The following ACTR3 variants were observed in gnomAD, a reference collection of about 807,000 sequenced individuals.
ACTR3 encodes the protein actin related protein 3, also known as actin-related protein 3.
A neutral mutation model predicts 56.8 loss-of-function variants in ACTR3; 12 were observed. The ratio of observed to expected loss-of-function variants is 0.21; its 90% CI spans 0.14 to 0.34. The LOEUF is 0.34. ACTR3 is among the 10% of genes least tolerant of loss of function. The pLI, the probability that ACTR3 is intolerant of heterozygous loss-of-function variation, is 1.00. For missense variants in ACTR3, 282 were observed against 512.5 expected, an observed-to-expected ratio of 0.55 and a Z score of 4.34; for synonymous variants, 162 against 167.4, an observed-to-expected ratio of 0.97 and a Z score of 0.25.
chr2:113,934,091 A>G (rs866657936), intron 5 of ACTR3, 188 bp from the exon 6 acceptor site: 1 of 538,330 alleles, frequency 1.9e-6, no homozygotes. Flanking sequence ...TTGTCTTAAT[A>G]AAATGTAGGG....
At chr2:113,944,293 T>A (rs745659211) in intron 8 of ACTR3, among the ~76,000 whole-genome samples, 7 of 152,052 alleles carry the variant, frequency 4.6e-5, no homozygotes, top group Non-Finnish European at 1.0e-4. Flanking sequence ...AAGAATTCAG[T>A]TGCAAGAATA....
Position 113,892,108 on chromosome 2 carries a change from C to A in ACTR3, c.44+1785C>A, listed in dbSNP as rs553649736. Among the ~76,000 whole-genome samples the A allele has an allele frequency of 3.6e-4, 55 of 152,280 alleles. 1 individual carries two copies. The highest frequency in any genetic ancestry group is 1.3e-3 in the African/African-American group (53 of 41,548). ...CCTGAGAAATAATATGGTAACATCT[C>A]AAGTAGTATGTTACTTTTCTAATCT... On this transcript the variant is annotated intron_variant, in intron 1 of 11. Transcript: ENST00000263238.
At chr2:113,914,914 T>C (rs1368935124) in intron 2 of ACTR3, among the ~76,000 whole-genome samples, 1 of 152,234 alleles carries the variant, frequency 6.6e-6, no homozygotes, top group Admixed American at 6.5e-5. Context: ...ATTTTATTCA[T>C]GCATGTTTGT....
chr2:113,909,937 G>T (rs762863002), intron 1 of ACTR3, among the ~76,000 whole-genome samples: 2 of 152,170 alleles, frequency 1.3e-5, no homozygotes, highest in Non-Finnish European at 2.9e-5. Flanking sequence ...ATCATTTGAA[G>T]ATTTTTGAGT....
intron 1 of ACTR3, chr2:113,890,649 G>A (rs1574343060): frequency 1.2e-5 from 15 of 1,245,736 alleles, no homozygotes; most frequent in Non-Finnish European, 1.5e-5. Context: ...CGTCTTGGGG[G>A]TGGTCCCCGG....
rs375240866 is a variant in ACTR3, at chr2:113,934,343, C to T, written c.497C>T (p.Thr166Met). 11 of 1,606,842 alleles carry T rather than the reference C, an allele frequency of 6.8e-6. No individual in the cohort carries two copies. The highest frequency in any genetic ancestry group is 4.0e-5 in the African/African-American group (3 of 74,234). Residue 166 changes from threonine to methionine, a missense_variant, in exon 6 of 12, where the codon ACG becomes ATG. Transcript: ENST00000263238. ...RQVGERTLTGTVIDSGDGVTH... is the reference protein window; with the variant it reads ...RQVGERTLTGMVIDSGDGVTH... ...GTAGGAGAACGGACGTTGACCGGTA[C>T]GGTAATAGACAGTGGAGATGGTGTC...
chr2:113,953,612 A>C (rs1269615561), intron 10 of ACTR3: 1 of 152,024 alleles, frequency 6.6e-6, no homozygotes, highest in Non-Finnish European at 1.5e-5. Context: ...ATTTTCCTTC[A>C]GTCTGTAATT....
intron 1 of ACTR3, chr2:113,890,679 C>T: frequency 8.6e-7 from 1 of 1,162,682 alleles, no homozygotes; most frequent in Non-Finnish European, 1.1e-6. Context: ...ATCCGGCTTT[C>T]CTTTCCCTCC....
chr2:113,890,483 C>T (rs939162428), intron 1 of ACTR3, 160 bp downstream of exon 1: 3 of 1,298,556 alleles, frequency 2.3e-6, no homozygotes, highest in African/African-American at 3.1e-5. Context: ...CAGCCAGGGC[C>T]TCGCGGGTCC....
chr2:113,942,444 C>G, intron 8 of ACTR3, 85 bp downstream of exon 8: 1 of 880,768 alleles, frequency 1.1e-6, no homozygotes. Context: ...ATCTCAGAAA[C>G]TTTTATTAGT....
At chr2:113,919,077 T>C (rs1476626310) in intron 3 of ACTR3, among the ~76,000 whole-genome samples, 1 of 152,238 alleles carries the variant, frequency 6.6e-6, no homozygotes, top group African/African-American at 2.4e-5. Flanking sequence ...ATTTTGTCTA[T>C]ATAATCTTTC....
chr2:113,944,948 G>GAGGA (rs1679989916), intron 8 of ACTR3, among the ~76,000 whole-genome samples: 1 of 152,112 alleles, frequency 6.6e-6, no homozygotes, highest in Non-Finnish European at 1.5e-5. Flanking sequence ...ACAGTTGTGG[G>GAGGA]AAAGGAGGAA....
At chr2:113,894,331 G>A (rs576506685) in intron 1 of ACTR3, among the ~76,000 whole-genome samples, 1 of 152,148 alleles carries the variant, frequency 6.6e-6, no homozygotes, top group African/African-American at 2.4e-5. Context: ...GACCTCAGGT[G>A]ATCCACCCAC....
Position 113,957,623 on chromosome 2 carries a change from A to G in ACTR3, c.*168A>G, listed in dbSNP as rs770086775. The G allele has an allele frequency of 6.1e-5, 30 of 492,096 alleles. No homozygotes were observed. In the South Asian group the frequency reaches 1.2e-3, roughly 19 times the overall value. The allele number at this position is 492,096 out of a possible 1,614,324, so 30.5% of individuals were successfully genotyped here. A position where few individuals can be genotyped will look rare whatever the true frequency, so the allele number is the denominator to read the frequency against. On this transcript the variant is annotated 3_prime_UTR_variant, in exon 12 of 12. Coordinates refer to ENST00000263238, the MANE Select transcript of ACTR3 (RefSeq NM_005721.5). ...AATAAGTGTATCACCATGCAGATGT[A>G]GAAGAGAGCGAAAGTGATTGTGTTT...
At chr2:113,899,572 A>G (rs1172861217) in intron 1 of ACTR3, among the ~76,000 whole-genome samples, 1 of 152,208 alleles carries the variant, frequency 6.6e-6, no homozygotes, top group Non-Finnish European at 1.5e-5. Flanking sequence ...GGGCAGATTA[A>G]TAAGGGCTGT....
chr2:113,954,732 G>T (rs1680180788), intron 10 of ACTR3: 1 of 150,056 alleles, frequency 6.7e-6, no homozygotes. Flanking sequence ...TCTCTTTTCT[G>T]GCCCTGGAAT....
intron 1 of ACTR3, among the ~76,000 whole-genome samples, chr2:113,902,830 C>T (rs1480449764): frequency 6.6e-6 from 1 of 152,202 alleles, no homozygotes; most frequent in Non-Finnish European, 1.5e-5. Context: ...AAACTCCTGA[C>T]CTCAGGTGAT....
chr2:113,900,718 T>TCA (rs2104582859), intron 1 of ACTR3, among the ~76,000 whole-genome samples: 1 of 152,320 alleles, frequency 6.6e-6, no homozygotes, highest in African/African-American at 2.4e-5. Flanking sequence ...GAACAAGCAT[T>TCA]CAGTCATGTC....
At chr2:113,909,573 C>G (rs1679263380) in intron 1 of ACTR3, among the ~76,000 whole-genome samples, 1 of 150,950 alleles carries the variant, frequency 6.6e-6, no homozygotes, top group Non-Finnish European at 1.5e-5. Flanking sequence ...GGAAAGACTT[C>G]CTGGAGAAGT....
Sources: gnomAD v4.1 joint callset for allele counts (sites outside exome capture counted in the v4.1 genomes callset) on GRCh38, gnomAD v4.1.1 for gene constraint, MANE v1.5 for transcripts, NCBI Gene and HGNC (gene_info 2026-07-23, HGNC 2026-07-21) for gene names.